Variants in DDX1 observed in about 807,000 individuals in gnomAD.
DDX1 encodes DEAD-box helicase 1, also known as ATP-dependent RNA helicase DDX1.
In DDX1, 28 loss-of-function variants were observed where a neutral mutation model predicts 108.7. The ratio of observed to expected loss-of-function variants is 0.26; its 90% CI spans 0.19 to 0.35. DDX1 has a LOEUF of 0.35. Ranked by LOEUF, DDX1 falls within the 10% of genes least tolerant of loss-of-function variation. The pLI, the probability that DDX1 is intolerant of heterozygous loss-of-function variation, is 1.00. For missense variants in DDX1, 710 were observed against 884.5 expected (o/e 0.80, Z 2.50); for synonymous variants, 295 against 288.9 (o/e 1.02, Z -0.21).
chr2:15,608,336 C>T (rs1035301391), intron 13 of DDX1, among the ~76,000 whole-genome samples: 11 of 151,972 alleles, frequency 7.2e-5, no homozygotes, highest in African/African-American at 2.7e-4. Context: ...AAGACCAGCC[C>T]AGCCAACACG....
chr2:15,595,598 C>CT (rs777695592), intron 3 of DDX1, 45 bp downstream of exon 3: 158 of 1,282,882 alleles, frequency 1.2e-4, no homozygotes, highest in Non-Finnish European at 1.7e-4. Context: ...GGGACACACT[C>CT]TAAGAATTGC....
intron 13 of DDX1, 29 bp from the exon 14 acceptor site, chr2:15,613,195 T>TA (rs748137227): frequency 6.0e-6 from 9 of 1,488,730 alleles, no homozygotes; most frequent in South Asian, 3.8e-5. Flanking sequence ...TTTTTTTTTT[T>TA]TATATTATCA....
At chr2:15,604,770 G>A (rs1665638353) in intron 10 of DDX1, among the ~76,000 whole-genome samples, 1 of 152,164 alleles carries the variant, frequency 6.6e-6, no homozygotes, top group African/African-American at 2.4e-5. Flanking sequence ...GGTAGTAAGT[G>A]CTGTGAAGGA....
At chr2:15,622,159 G>A (rs1666022703) in intron 18 of DDX1, among the ~76,000 whole-genome samples, 1 of 152,164 alleles carries the variant, frequency 6.6e-6, no homozygotes, top group Admixed American at 6.5e-5. Flanking sequence ...ACTTTTTTGT[G>A]TGTGGTAGAA....
At chr2:15,595,958 C>T (rs1573035395) in intron 3 of DDX1, among the ~76,000 whole-genome samples, 1 of 152,162 alleles carries the variant, frequency 6.6e-6, no homozygotes, top group East Asian at 1.9e-4. Flanking sequence ...GTTTATAGTT[C>T]ACTGCAGCCT....
At chr2:15,592,915 TG>T (rs994518454) in intron 1 of DDX1, among the ~76,000 whole-genome samples, 2 of 92,268 alleles carry the variant, frequency 2.2e-5, no homozygotes, top group Non-Finnish European at 4.2e-5. Flanking sequence ...TTTTCTTTTT[TG>T]GGGGGGAGAA....
intron 1 of DDX1, among the ~76,000 whole-genome samples, chr2:15,592,789 T>C (rs892064094): frequency 2.0e-5 from 3 of 152,202 alleles, no homozygotes; most frequent in Non-Finnish European, 4.4e-5. Flanking sequence ...TTAGGCCTAA[T>C]GTCCTTTAAT....
chr2:15,604,309 C>A, intron 9 of DDX1, 128 bp from the exon 10 acceptor site: 2 of 653,710 alleles, frequency 3.1e-6, no homozygotes, highest in Non-Finnish European at 5.3e-6. Context: ...TTGTATATGT[C>A]ATATGCTCTA....
At chr2:15,625,944 CT>C (rs1241627982) in intron 19 of DDX1, among the ~76,000 whole-genome samples, 4 of 151,388 alleles carry the variant, frequency 2.6e-5, no homozygotes, top group African/African-American at 9.7e-5. Context: ...GTTATAGTGA[CT>C]GTTTTGTAGT....
In DDX1 at chr2:15,603,175, G is replaced by A; in HGVS notation, c.392-17G>A. 6.5e-7 allele frequency: 1 copy of A among 1,537,572 alleles called. No individual in the cohort carries two copies. Among genetic ancestry groups the A allele is most frequent in the Non-Finnish European group, 8.9e-7 (1 of 1,121,292 alleles). ...GTGTGTGATTTATATAAATCTCAAT[G>A]TATTTTACCCTTGTAGGGAAACACT... On this transcript the variant is annotated splice_polypyrimidine_tract_variant and intron_variant, in intron 7 of 25. Coordinates refer to ENST00000233084, the MANE Select transcript of DDX1 (RefSeq NM_004939.3).
At position 15,591,891 on chromosome 2, in the gene DDX1, A is replaced by G; in HGVS notation, c.-43A>G. The G allele has an allele frequency of 6.8e-7, 1 of 1,466,250 alleles. No homozygotes were observed. The highest frequency in any genetic ancestry group is 1.3e-5 in the South Asian group (1 of 74,484). 90.8% of individuals were successfully genotyped at this position (1,466,250 alleles called of 1,614,324 possible). A position where few individuals can be genotyped will look rare whatever the true frequency, so the allele number is the denominator to read the frequency against. On this transcript the variant is annotated 5_prime_UTR_variant, in exon 1 of 26. Coordinates refer to ENST00000233084, the MANE Select transcript of DDX1 (RefSeq NM_004939.3). Reference sequence around the variant, plus strand: ...CCACTGCCACGCCGTGTCAGTCGGGAGGGAGGGAGCGAGCAGGCGAAGCCG... The same window carrying G: ...CCACTGCCACGCCGTGTCAGTCGGGGGGGAGGGAGCGAGCAGGCGAAGCCG...
In DDX1 at chr2:15,613,197, A is replaced by G. The variant is rs376835565; in HGVS notation, c.957-27A>G. On this transcript the variant is annotated intron_variant, in intron 13 of 25. Transcript: ENST00000233084. ...AGCAGACTTTAATTTTTTTTTTTTTATATTATCATCTTGATATTTATTTCA... is the reference window on the plus strand; with the variant it reads ...AGCAGACTTTAATTTTTTTTTTTTTGTATTATCATCTTGATATTTATTTCA... The G allele has an allele frequency of 2.7e-5, 37 of 1,379,742 alleles. No homozygotes were observed. The African/African-American group carries it at 3.8e-4, about 14-fold the overall frequency. 85.5% of individuals were successfully genotyped at this position (1,379,742 alleles called of 1,614,324 possible).
intron 14 of DDX1, among the ~76,000 whole-genome samples, chr2:15,615,081 GTTC>G (rs1665871432): frequency 1.3e-5 from 2 of 152,176 alleles, no homozygotes; most frequent in Admixed American, 6.5e-5. Context: ...ATCTTTATCT[GTTC>G]TTCTCTCTGT....
chr2:15,607,426 C>T (rs1665681808), intron 13 of DDX1, 113 bp downstream of exon 13: 14 of 809,652 alleles, frequency 1.7e-5, no homozygotes, highest in Admixed American at 8.1e-5. Flanking sequence ...ACATAATACA[C>T]GTGTGTGAGT....
rs367564124 is a variant in DDX1 at position 15,607,211 on chromosome 2, A to G, written c.854A>G (p.Asn285Ser). ...GTGACACAAACAAAGTTTCTCCCCA[A>G]TGCTCCGAAAGCTCTCATTGTTGAA... ...AQVTQTKFLPNAPKALIVEPS... is the reference protein window; with the variant it reads ...AQVTQTKFLPSAPKALIVEPS... Residue 285 changes from asparagine (N) to serine (S), a missense_variant, in exon 13 of 26, where the codon AAT becomes AGT. By Grantham distance (46) the Asn-to-Ser change is conservative. This residue lies in a region of DDX1 where 661 missense variants were observed against 810.2 expected (regional missense o/e 0.82). Transcript: ENST00000233084. The G allele has an allele frequency of 4.0e-5, 64 of 1,613,924 alleles. No homozygotes were observed. Among genetic ancestry groups the G allele is most frequent in the East Asian group, 2.0e-4 (9 of 44,870 alleles).
At chr2:15,605,923 A>T in intron 10 of DDX1, 27 bp from the exon 11 acceptor site, 10 of 1,357,634 alleles carry the variant, frequency 7.4e-6, no homozygotes, top group Non-Finnish European at 9.0e-6. Context: ...GATTGTTTTA[A>T]TCTCTCTCTC....
intron 15 of DDX1, 131 bp from the exon 16 acceptor site, chr2:15,618,050 A>G: frequency 4.2e-6 from 2 of 474,378 alleles, no homozygotes; most frequent in Admixed American, 3.2e-5. Flanking sequence ...AAAATATAGG[A>G]CTATGTATAT....
At position 15,628,457 on chromosome 2, in the gene DDX1, A is replaced by G. The variant is rs373130115; in HGVS notation, c.1699A>G (p.Arg567Gly). The G allele has an allele frequency of 6.2e-7, 1 of 1,612,416 alleles. No homozygotes were observed. Among genetic ancestry groups the G allele is most frequent in the Non-Finnish European group, 8.5e-7 (1 of 1,178,774 alleles). ...NLERFKKGDV[R>G]FLICTDVAAR... ...CTGTTCTCTTTAGAAAGGAGATGTA[A>G]GATTCTTGATTTGCACAGATGTAGC... The change falls in exon 21 of 26, where the codon AGA (arginine) becomes GGA (glycine). Residue 567 changes from arginine (R) to glycine (G), a missense_variant. This residue lies in a region of DDX1 where 661 missense variants were observed against 810.2 expected (regional missense o/e 0.82). Transcript: ENST00000233084.
chr2:15,592,094 C>CA, intron 1 of DDX1, 145 bp downstream of exon 1: 1 of 782,278 alleles, frequency 1.3e-6, no homozygotes, highest in Non-Finnish European at 1.8e-6. Flanking sequence ...CTGATGGACC[C>CA]GCGTTGCGGG....
Sources: allele counts gnomAD v4.1 joint callset (sites outside exome capture counted in the v4.1 genomes callset), GRCh38; gene constraint gnomAD v4.1.1; regional missense constraint gnomAD v4.1.1; transcripts MANE v1.5; gene names NCBI Gene and HGNC (gene_info 2026-07-23, HGNC 2026-07-21).